The following CFAP91 variants were observed in gnomAD, a reference collection of about 807,000 sequenced individuals.
CFAP91 encodes the protein cilia- and flagella-associated protein 91.
Under a neutral mutation model 95.9 loss-of-function variants are expected in CFAP91, and 85 were observed. That is an observed-to-expected ratio of 0.89 (90% CI 0.74 to 1.06). The LOEUF is 1.06. Among genes scored for constraint, CFAP91 ranks in the 50% least tolerant of loss-of-function variants. The pLI, the probability that CFAP91 is intolerant of heterozygous loss-of-function variation, is 0.00. For missense variants in CFAP91, 962 were observed against 943.4 expected, an observed-to-expected ratio of 1.02 and a Z score of -0.26; for synonymous variants, 335 against 327.5, an observed-to-expected ratio of 1.02 and a Z score of -0.25.
Position 119,767,040 on chromosome 3 carries a change from C to T in CFAP91, c.*1990C>T, listed in dbSNP as rs1480868351. The T allele has an allele frequency of 1.3e-5, 2 of 152,138 alleles. No homozygotes were observed. The highest frequency in any genetic ancestry group is 4.8e-5 in the African/African-American group (2 of 41,440). 9.4% of individuals were successfully genotyped at this position (152,138 alleles called of 1,614,324 possible). A position where few individuals can be genotyped will look rare whatever the true frequency, so the allele number is the denominator to read the frequency against. On this transcript the variant is annotated 3_prime_UTR_variant, in exon 18 of 18. Coordinates refer to ENST00000273390, the MANE Select transcript of CFAP91 (RefSeq NM_033364.4). ...CTTGAGTTAAAATGCTCCAACTTTT[C>T]TAATTTTTGCTTTTGAAAATAAAAC...
At position 119,732,297 on chromosome 3, in the gene CFAP91, T is replaced by C. The variant is rs765405230; in HGVS notation, c.1022T>C (p.Ile341Thr). 6.3e-7 allele frequency: 1 copy of C among 1,596,818 alleles called. No individual in the cohort carries two copies. The highest frequency in any genetic ancestry group is 1.1e-5 in the South Asian group (1 of 88,606). ...AKIQRTHVST[I>T]RKLVGKRKNI... ...ATGGAGGTATGTTTTATTTCAGCAA[T>C]CAGAAAACTTGTAGGAAAGAGAAAG... Residue 341 changes from isoleucine to threonine, a missense_variant, in exon 9 of 18, where the codon ATC becomes ACC. By Grantham distance (89) the Ile-to-Thr change is moderately conservative (BLOSUM62 -1). Transcript: ENST00000273390.
chr3:119,744,129 C>A lies in CFAP91; in HGVS notation c.1835C>A (p.Ala612Asp). 2 of 1,613,964 alleles carry A rather than the reference C, an allele frequency of 1.2e-6. No homozygotes were observed. The highest frequency in any genetic ancestry group is 1.7e-6 in the Non-Finnish European group (2 of 1,179,976). The change falls in exon 14 of 18, where the codon GCT becomes GAT. Residue 612 changes from alanine (A) to aspartate (D), a missense_variant. Ala to Asp is a moderately radical substitution (Grantham distance 126). Transcript: ENST00000273390. ...GAGCGCCAGCGGCGGGTACGAGAGG[C>A]TGAAGAGAGTGGTCGGCGCCAGGTG... Reference protein sequence around the residue: ...LAERQRRVREAEESGRRQVEK... With the variant: ...LAERQRRVREDEESGRRQVEK...
rs7612861 is a variant in CFAP91, at chr3:119,703,116, C to T, written c.18C>T (p.Thr6=). Residue 6 remains threonine (T), a synonymous_variant, in exon 1 of 18, where the codon ACC becomes ACT. Coordinates refer to ENST00000273390, the MANE Select transcript of CFAP91 (RefSeq NM_033364.4). MSHAV[T]IEEPQAQPQV... is the part of the protein sequence containing the mutation. ...GCGGCACCATGAGCCACGCAGTAAC[C>T]ATCGAGGAGCCCCAGGCCCAGCCGC... is the stretch of plus-strand genomic sequence containing the variant. 0.14 allele frequency: 217,254 copies of T among 1,561,290 alleles called. 16,388 individuals are homozygous for T. The highest frequency in any genetic ancestry group is 0.23 in the Admixed American group (12,029 of 52,080).
At chr3:119,727,559 G>A (rs2107881004) in intron 7 of CFAP91, among the ~76,000 whole-genome samples, 1 of 152,244 alleles carries the variant, frequency 6.6e-6, no homozygotes, top group Admixed American at 6.5e-5. Context: ...CTGTGAGTTG[G>A]GAAAATAGGG....
intron 1 of CFAP91, chr3:119,705,947 G>T (rs1436370007): frequency 2.6e-5 from 4 of 152,198 alleles, no homozygotes; most frequent in African/African-American, 9.7e-5. Flanking sequence ...TTTAGGAATT[G>T]ACACACATTA....
rs572841599 is a variant in CFAP91, at chr3:119,740,476, T to C, written c.1534-73T>C. 46 of 1,523,470 alleles carry C rather than the reference T, an allele frequency of 3.0e-5. No individual in the cohort carries two copies. The African/African-American group carries it at 6.2e-4, about 21-fold the overall frequency. 94.4% of individuals were successfully genotyped at this position (1,523,470 alleles called of 1,614,324 possible). A position where few individuals can be genotyped will look rare whatever the true frequency, so the allele number is the denominator to read the frequency against. ...TGTTCACAAGTGTCTCACAAGTCAC[T>C]GCGTGTGACTCCTAGTGCTTGGCAC... is the stretch of plus-strand genomic sequence containing the variant. On this transcript the variant is annotated intron_variant, in intron 12 of 17. Transcript: ENST00000273390.
intron 17 of CFAP91, 71 bp downstream of exon 17, chr3:119,751,169 G>T (rs2054318290): frequency 1.4e-6 from 2 of 1,479,942 alleles, no homozygotes; most frequent in Admixed American, 2.3e-5. Context: ...GCTTTGTGCT[G>T]TGCTCAAACA....
chr3:119,762,940 ACAGGCAACAAAAG>A (rs2054563929), intron 17 of CFAP91, among the ~76,000 whole-genome samples: 1 of 152,118 alleles, frequency 6.6e-6, no homozygotes, highest in South Asian at 2.1e-4. Context: ...ACTCAAAAGC[ACAGGCAACAAAAG>A]TGAAAATAGA....
At chr3:119,741,335 A>G (rs1181079491) in intron 13 of CFAP91, among the ~76,000 whole-genome samples, 2 of 152,222 alleles carry the variant, frequency 1.3e-5, no homozygotes, top group African/African-American at 4.8e-5. Flanking sequence ...TGTAGACTGA[A>G]TAAATAACAA....
chr3:119,704,866 A>G (rs984034971), intron 1 of CFAP91, among the ~76,000 whole-genome samples: 1 of 152,224 alleles, frequency 6.6e-6, no homozygotes. Flanking sequence ...AGATATACAA[A>G]TACCATTGTG....
At position 119,738,332 on chromosome 3, in the gene CFAP91, C is replaced by CTTTTTT. The variant is rs556125660; in HGVS notation, c.1461+879_1461+884dup. Among the ~76,000 whole-genome samples the CTTTTTT allele has an allele frequency of 8.1e-3, 186 of 23,054 alleles. 57 individuals carry two copies. The highest frequency in any genetic ancestry group is 0.054 in the East Asian group (27 of 498). 15.1% of individuals were successfully genotyped at this position (23,054 alleles called of 152,430 possible). On this transcript the variant is annotated intron_variant, in intron 11 of 17. Coordinates refer to ENST00000273390, the MANE Select transcript of CFAP91 (RefSeq NM_033364.4). ...TGCAGGGCTTTGGTTGACATATTGT[C>CTTTTTT]TTTTTTTTTTTTTTTTTTTTTTTTT...
chr3:119,735,184 T>C (rs2053977719), intron 10 of CFAP91, among the ~76,000 whole-genome samples: 1 of 152,174 alleles, frequency 6.6e-6, no homozygotes, highest in South Asian at 2.1e-4. Flanking sequence ...TTTCTTAGTA[T>C]TTATGTTTCC....
intron 4 of CFAP91, among the ~76,000 whole-genome samples, chr3:119,709,614 A>G (rs929137354): frequency 1.3e-5 from 2 of 152,164 alleles, no homozygotes; most frequent in African/African-American, 4.8e-5. Context: ...CATTGGCTCT[A>G]CCCTATATGT....
At chr3:119,725,798 C>G (rs1161267919) in intron 6 of CFAP91, among the ~76,000 whole-genome samples, 1 of 151,850 alleles carries the variant, frequency 6.6e-6, no homozygotes, top group Non-Finnish European at 1.5e-5. Flanking sequence ...TCACTTTTAT[C>G]GAACAAATTC....
chr3:119,741,988 A>G (rs2054129469), intron 13 of CFAP91, among the ~76,000 whole-genome samples: 2 of 152,182 alleles, frequency 1.3e-5, no homozygotes, highest in Non-Finnish European at 2.9e-5. Flanking sequence ...TAGAAGTCCT[A>G]GAGTCCTGGA....
intron 17 of CFAP91, among the ~76,000 whole-genome samples, chr3:119,763,788 A>G (rs943221169): frequency 6.6e-6 from 1 of 152,110 alleles, no homozygotes; most frequent in Non-Finnish European, 1.5e-5. Flanking sequence ...TAGAGTAGAA[A>G]AAAGTTGAAT....
At chr3:119,729,398 GCA>G (rs201011196) in intron 7 of CFAP91, among the ~76,000 whole-genome samples, 1,766 of 152,242 alleles carry the variant, frequency 0.012, 20 homozygotes, top group Middle Eastern at 0.024. Flanking sequence ...TGTAATCCCA[GCA>G]CTTTGGGAAG....
chr3:119,743,691 A>G (rs1313779746), intron 13 of CFAP91, among the ~76,000 whole-genome samples: 1 of 152,176 alleles, frequency 6.6e-6, no homozygotes, highest in Non-Finnish European at 1.5e-5. Context: ...AAGAAAAAAA[A>G]CCCATTCTCC....
intron 2 of CFAP91, chr3:119,707,192 G>C (rs934276576): frequency 3.8e-6 from 2 of 525,108 alleles, no homozygotes; most frequent in African/African-American, 1.9e-5. Context: ...GTAAATTCTA[G>C]CCCTATCCCC....
Sources: gnomAD v4.1 joint callset for allele counts (sites outside exome capture counted in the v4.1 genomes callset) on GRCh38, gnomAD v4.1.1 for gene constraint, MANE v1.5 for transcripts, NCBI Gene and HGNC (gene_info 2026-07-23, HGNC 2026-07-21) for gene names.